RNF157: variants seen among roughly 807,000 people sequenced by gnomAD.
RNF157 encodes E3 ubiquitin ligase RNF157.
A neutral mutation model predicts 88.3 loss-of-function variants in RNF157; 55 were observed. The ratio of observed to expected loss-of-function variants is 0.62; its 90% CI spans 0.50 to 0.78. The LOEUF is 0.78. Among genes scored for constraint, RNF157 ranks in the 30% least tolerant of loss-of-function variants. RNF157 has a pLI of 0.00. For synonymous variants in RNF157, 334 were observed against 341.2 expected (o/e 0.98, Z 0.23); for missense variants, 788 against 860.8 (o/e 0.92, Z 1.06).
intron 2 of RNF157, among the ~76,000 whole-genome samples, chr17:76,204,718 T>C (rs912821133): frequency 1.3e-5 from 2 of 152,150 alleles, no homozygotes; most frequent in Admixed American, 6.6e-5. Flanking sequence ...ACTTTTGGTC[T>C]ATCTGTACTA....
Position 76,167,651 on chromosome 17 carries a change from C to G in RNF157, c.443G>C (p.Ser148Thr), listed in dbSNP as rs2068948974. Residue 148 changes from serine (S) to threonine (T), a missense_variant and splice_region_variant, in exon 4 of 19, where the codon AGC (serine) becomes ACC (threonine). Transcript: ENST00000269391. ...ATEEFQNGIASYIPKDNSLQS... is the reference protein window; with the variant it reads ...ATEEFQNGIATYIPKDNSLQS... ...GGCTCTCCTGGTCTCCTGATCTTACCTGGCAATACCATTCTGGAACTCTTC... is the reference window on the plus strand; with the variant it reads ...GGCTCTCCTGGTCTCCTGATCTTACGTGGCAATACCATTCTGGAACTCTTC... The G allele has an allele frequency of 6.2e-7, 1 of 1,613,684 alleles. No individual in the cohort carries two copies.
At chr17:76,224,810 G>A (rs902598423) in intron 1 of RNF157, among the ~76,000 whole-genome samples, 1 of 152,126 alleles carries the variant, frequency 6.6e-6, no homozygotes, top group Non-Finnish European at 1.5e-5. Context: ...AGCCATCCTG[G>A]GCCACATGTA....
At position 76,145,215 on chromosome 17, in the gene RNF157, C is replaced by A; in HGVS notation, c.*20G>T. 6.6e-7 allele frequency: 1 copy of A among 1,518,214 alleles called. No individual in the cohort carries two copies. Among genetic ancestry groups the A allele is most frequent in the Non-Finnish European group, 9.1e-7 (1 of 1,098,798 alleles). 94.0% of individuals were successfully genotyped at this position (1,518,214 alleles called of 1,614,324 possible). A position where few individuals can be genotyped will look rare whatever the true frequency, so the allele number is the denominator to read the frequency against. On this transcript the variant is annotated 3_prime_UTR_variant, in exon 19 of 19. Transcript: ENST00000269391. ...ATGGAATGCAGGGCAGGAGGGGAGC[C>A]CAAGTGCAGAGGCTGGGGCTCAGAC...
intron 16 of RNF157, 80 bp from the exon 17 acceptor site, chr17:76,154,408 C>G: frequency 2.2e-6 from 2 of 910,904 alleles, no homozygotes; most frequent in South Asian, 2.6e-5. Flanking sequence ...AACTAATCAT[C>G]CTACTGGTAT....
chr17:76,210,731 C>T (rs1235579333), intron 2 of RNF157, among the ~76,000 whole-genome samples: 1 of 152,000 alleles, frequency 6.6e-6, no homozygotes, highest in African/African-American at 2.4e-5. Context: ...CACTCACCTA[C>T]CTACAAGTCT....
chr17:76,210,391 C>T (rs556650944), intron 2 of RNF157, among the ~76,000 whole-genome samples: 72 of 151,464 alleles, frequency 4.8e-4, no homozygotes, highest in East Asian at 2.4e-3. Flanking sequence ...CAGATCGAGA[C>T]CATCCTGGCT....
rs769015834 is a variant in RNF157, at chr17:76,159,440, G to A, written c.1199C>T (p.Ser400Leu). The A allele has an allele frequency of 1.4e-5, 22 of 1,613,282 alleles. No homozygotes were observed. The highest frequency in any genetic ancestry group is 1.8e-5 in the Non-Finnish European group (21 of 1,179,792). ...GDGHLSGMLP[S>L]YGSDGHLPPV... ...GGGCAGGTGGCCATCACTGCCATAT[G>A]AAGGGAGCATTCCTGAGAGGTGGCC... The change falls in exon 12 of 19, where the codon TCA (serine) becomes TTA (leucine). Residue 400 changes from serine to leucine, a missense_variant. Physicochemically the swap from Ser to Leu is moderately radical, Grantham distance 145 (BLOSUM62 -2). Coordinates refer to ENST00000269391, the MANE Select transcript of RNF157 (RefSeq NM_052916.3).
chr17:76,189,946 A>G (rs942049009), intron 2 of RNF157, among the ~76,000 whole-genome samples: 6 of 152,210 alleles, frequency 3.9e-5, no homozygotes, highest in Non-Finnish European at 5.9e-5. Flanking sequence ...CTTCTCCTCC[A>G]GCCCTGTAGA....
At position 76,152,325 on chromosome 17, in the gene RNF157, C is replaced by T. The variant is rs771325661; in HGVS notation, c.1921+30G>A. Reference sequence around the variant, plus strand: ...TAAGAGCACAGGGATCGTCTCCCACCAAGTTCATGTTCAGCAGACTGACAC... The same window carrying T: ...TAAGAGCACAGGGATCGTCTCCCACTAAGTTCATGTTCAGCAGACTGACAC... On this transcript the variant is annotated intron_variant, in intron 18 of 18. Coordinates refer to ENST00000269391, the MANE Select transcript of RNF157 (RefSeq NM_052916.3). 4 of 1,389,076 alleles carry T rather than the reference C, an allele frequency of 2.9e-6. No individual in the cohort carries two copies. In the South Asian group the frequency reaches 3.5e-5, roughly 12 times the overall value. The allele number at this position is 1,389,076 out of a possible 1,614,324, so 86.0% of individuals were successfully genotyped here.
intron 2 of RNF157, among the ~76,000 whole-genome samples, chr17:76,202,473 G>T (rs1052140877): frequency 6.6e-6 from 1 of 152,154 alleles, no homozygotes; most frequent in African/African-American, 2.4e-5. Context: ...GAACACACAA[G>T]TCATAAATCA....
chr17:76,213,704 A>G lies in RNF157; in HGVS notation c.89-1222T>C, dbSNP rs368827454. On this transcript the variant is annotated intron_variant, in intron 1 of 18. Coordinates refer to ENST00000269391, the MANE Select transcript of RNF157 (RefSeq NM_052916.3). ...GATGGCGGCTGGTCACTGGAAAGAA[A>G]AGGCAGGATTAGAGGGTGGGGACTT... Among the ~76,000 whole-genome samples the G allele has an allele frequency of 5.4e-4, 82 of 152,256 alleles. No individual in the cohort carries two copies. In the South Asian group the frequency reaches 6.2e-3, roughly 12 times the overall value.
In RNF157 at chr17:76,219,334, TATAAC is replaced by T. The variant is rs941825395; in HGVS notation, c.89-6857_89-6853del. On this transcript the variant is annotated intron_variant, in intron 1 of 18. Coordinates refer to ENST00000269391, the MANE Select transcript of RNF157 (RefSeq NM_052916.3). ...TTACATATATTTATATACATATAAA[TATAAC>T]ATAAAATGGCCAGCCTTAAGCCAAA... Among the ~76,000 whole-genome samples the T allele has an allele frequency of 1.2e-3, 186 of 151,922 alleles. 1 individual carries two copies. Among genetic ancestry groups the T allele is most frequent in the African/African-American group, 4.1e-3 (171 of 41,482 alleles).
chr17:76,191,535 A>T (rs535837578), intron 2 of RNF157, among the ~76,000 whole-genome samples: 1 of 136,882 alleles, frequency 7.3e-6, no homozygotes, highest in South Asian at 2.4e-4. Flanking sequence ...CCGGAGGTGG[A>T]GGTTGCAGTG....
intron 7 of RNF157, 90 bp downstream of exon 7, chr17:76,165,412 G>A: frequency 7.5e-7 from 1 of 1,341,868 alleles, no homozygotes. Context: ...CCATTCTGCT[G>A]AGCTCAGGCA....
chr17:76,225,711 T>C, intron 1 of RNF157: 1 of 1,430,990 alleles, frequency 7.0e-7, no homozygotes, highest in Non-Finnish European at 9.3e-7. Flanking sequence ...CAGCAGACAC[T>C]CTATGTACAA....
chr17:76,220,666 T>G lies in RNF157; in HGVS notation c.89-8184A>C, dbSNP rs547572867. ...TCTACAAATTTATTATTTTTTTTTT[T>G]TTAGTTAGCTGGGCCAGGCGCAGTG... On this transcript the variant is annotated intron_variant, in intron 1 of 18. Coordinates refer to ENST00000269391, the MANE Select transcript of RNF157 (RefSeq NM_052916.3). 3.3e-5 allele frequency among the ~76,000 whole-genome samples: 5 copies of G among 152,072 alleles called. No individual in the cohort carries two copies. The South Asian group carries it at 1.0e-3, about 32-fold the overall frequency.
intron 1 of RNF157, chr17:76,225,855 C>T (rs1299544962): frequency 5.6e-6 from 9 of 1,612,776 alleles, no homozygotes; most frequent in African/African-American, 2.7e-5. Flanking sequence ...TTTAGAGCCT[C>T]GTTCTTCTTT....
At chr17:76,177,970 C>T (rs868337303) in intron 2 of RNF157, among the ~76,000 whole-genome samples, 8 of 152,212 alleles carry the variant, frequency 5.3e-5, no homozygotes, top group Admixed American at 2.6e-4. Context: ...GCGGAAAGAG[C>T]TACCCACTGC....
At chr17:76,190,170 CT>C (rs71161273) in intron 2 of RNF157, among the ~76,000 whole-genome samples, 411 of 123,406 alleles carry the variant, frequency 3.3e-3, no homozygotes, top group South Asian at 5.1e-3. Context: ...CTTGCTCTCT[CT>C]TTTTTTTTTT....
Sources: allele counts gnomAD v4.1 joint callset (sites outside exome capture counted in the v4.1 genomes callset), GRCh38; gene constraint gnomAD v4.1.1; transcripts MANE v1.5; gene names NCBI Gene and HGNC (gene_info 2026-07-23, HGNC 2026-07-21).